The following HMCN2 variants were observed in gnomAD, a reference collection of about 807,000 sequenced individuals.
HMCN2 encodes hemicentin 2, also known as hemicentin-2.
A neutral mutation model predicts 377.5 loss-of-function variants in HMCN2; 325 were observed. The ratio of observed to expected loss-of-function variants is 0.86; its 90% CI spans 0.79 to 0.94. The LOEUF (loss-of-function observed/expected upper bound fraction) is 0.94. Among genes scored for constraint, HMCN2 ranks in the 40% least tolerant of loss-of-function variants. HMCN2 has a pLI of 0.00. For synonymous variants in HMCN2, 2,007 were observed against 2,046.8 expected, an observed-to-expected ratio of 0.98 and a Z score of 0.53; for missense variants, 4,543 against 4,725.3, an observed-to-expected ratio of 0.96 and a Z score of 1.13.
At chr9:130,286,133 C>T (rs1246593913) in intron 3 of HMCN2, 55 bp from the exon 4 acceptor site, 3 of 467,026 alleles carry the variant, frequency 6.4e-6, no homozygotes, top group African/African-American at 6.0e-5. Context: ...CTGCTGCTCA[C>T]CCCTGAAGCA....
chr9:130,346,938 A>T (rs1277040651), intron 25 of HMCN2, among the ~76,000 whole-genome samples: 7 of 152,040 alleles, frequency 4.6e-5, no homozygotes, highest in African/African-American at 1.7e-4. Flanking sequence ...TTGGTCCCTC[A>T]GGGACCCTAG....
In HMCN2 at chr9:130,290,526, C is replaced by T. The variant is rs140208770; in HGVS notation, c.612+4216C>T. Among the ~76,000 whole-genome samples the T allele has an allele frequency of 2.3e-3, 344 of 152,292 alleles. 2 individuals carry two copies. The highest frequency in any genetic ancestry group is 7.4e-3 in the African/African-American group (306 of 41,574). On this transcript the variant is annotated intron_variant, in intron 4 of 97. Transcript: ENST00000683500. ...TCCTGACCCCTGACAAGGCCTGGCCCGGGGGAAGGGGACGGTGGTAACGGA... is the reference window on the plus strand; with the variant it reads ...TCCTGACCCCTGACAAGGCCTGGCCTGGGGGAAGGGGACGGTGGTAACGGA...
chr9:130,306,044 A>AG (rs782421769), intron 11 of HMCN2, 85 bp from the exon 12 acceptor site: 5 of 442,078 alleles, frequency 1.1e-5, no homozygotes, highest in East Asian at 7.2e-5. Context: ...TGACTATGGG[A>AG]GGGGAAGAGC....
chr9:130,367,454 A>G (rs547343955), intron 43 of HMCN2, among the ~76,000 whole-genome samples: 1 of 152,262 alleles, frequency 6.6e-6, no homozygotes, highest in South Asian at 2.1e-4. Flanking sequence ...CTGCTTCTCT[A>G]GAAACAGAGG....
intron 34 of HMCN2, among the ~76,000 whole-genome samples, chr9:130,357,016 G>A (rs1840057601): frequency 6.6e-6 from 1 of 151,952 alleles, no homozygotes; most frequent in African/African-American, 2.4e-5. Context: ...ATGGAAGCAT[G>A]GGTGGATAGA....
rs1283977205 is a variant in HMCN2, at chr9:130,349,020, G to A, written c.4192G>A (p.Gly1398Ser). The part of the protein sequence containing the change: ...KVGGHRLLDE[G>S]QSLHFPRIQE... ...GGGCGGCCACCGCCTCCTGGACGAG[G>A]GCCAGTCCCTCCACTTCCCCAGGAT... The change falls in exon 28 of 98, where the codon GGC becomes AGC. Residue 1398 changes from glycine (G) to serine (S), a missense_variant. Around this residue, in one of 5 missense-constraint regions of HMCN2, gnomAD observed 1,032 missense variants for 1,285.1 expected, o/e 0.80. Transcript: ENST00000683500. The A allele has an allele frequency of 1.5e-6, 2 of 1,304,034 alleles. No individual in the cohort carries two copies. The highest frequency in any genetic ancestry group is 3.0e-5 in the African/African-American group (2 of 65,852). The allele number at this position is 1,304,034 out of a possible 1,614,324, so 80.8% of individuals were successfully genotyped here.
At position 130,347,920 on chromosome 9, in the gene HMCN2, C is replaced by T. The variant is rs922640799; in HGVS notation, c.4024+560C>T. On this transcript the variant is annotated intron_variant, in intron 26 of 97. Coordinates refer to ENST00000683500, the MANE Select transcript of HMCN2 (RefSeq NM_001291815.2). The surrounding 1 kb of genome is among the most constrained non-coding windows in gnomAD (Gnocchi z 5.1). ...AGTGCAGAGCCCCAGAGCCCACCTC[C>T]GGGTTAAAACTGTTACCCCTGGTCT... The T allele has an allele frequency of 4.7e-6, 4 of 842,502 alleles. No homozygotes were observed. The highest frequency in any genetic ancestry group is 6.2e-5 in the Admixed American group (1 of 16,092). The allele number at this position is 842,502 out of a possible 1,614,324, so 52.2% of individuals were successfully genotyped here.
chr9:130,388,185 T>G (rs1164833626), intron 61 of HMCN2, among the ~76,000 whole-genome samples: 1 of 152,122 alleles, frequency 6.6e-6, no homozygotes, highest in African/African-American at 2.4e-5. Context: ...TGTGGGTGAG[T>G]GAGCCTCCCA....
chr9:130,402,770 C>T lies in HMCN2; in HGVS notation c.11771-19C>T. 1.6e-6 allele frequency: 2 copies of T among 1,286,380 alleles called. No individual in the cohort carries two copies. Among genetic ancestry groups the T allele is most frequent in the South Asian group, 1.2e-5 (1 of 80,912 alleles). 79.7% of individuals were successfully genotyped at this position (1,286,380 alleles called of 1,614,324 possible). A position where few individuals can be genotyped will look rare whatever the true frequency, so the allele number is the denominator to read the frequency against. Reference sequence around the variant, plus strand: ...GGGGACCTCTGTCCTGATCCCCTCACCCTGATTCCCACCAACAGGCGCCCT... The same window carrying T: ...GGGGACCTCTGTCCTGATCCCCTCATCCTGATTCCCACCAACAGGCGCCCT... On this transcript the variant is annotated intron_variant, in intron 77 of 97. Coordinates refer to ENST00000683500, the MANE Select transcript of HMCN2 (RefSeq NM_001291815.2).
At chr9:130,305,412 A>T (rs1836795385) in intron 11 of HMCN2, among the ~76,000 whole-genome samples, 1 of 152,134 alleles carries the variant, frequency 6.6e-6, no homozygotes, top group Non-Finnish European at 1.5e-5. Flanking sequence ...CACTGACTAG[A>T]TGGGGGTGGA....
At position 130,410,644 on chromosome 9, in the gene HMCN2, T is replaced by C. The variant is rs1843359753; in HGVS notation, c.12953T>C (p.Val4318Ala). ...GTGGCGAAGAAAGTGGTGATCCTCG[T>C]CCTGCAGAGTGAGTCTCGGCCTCAG... ...MGVAKKVVIL[V>A]LQSAPVFQVE... Residue 4318 changes from valine to alanine, a missense_variant, in exon 85 of 98, where the codon GTC (valine) becomes GCC (alanine). Val to Ala is a moderately conservative substitution (Grantham distance 64). Transcript: ENST00000683500. 1 of 1,550,550 alleles carries C rather than the reference T, an allele frequency of 6.4e-7. No individual in the cohort carries two copies. The highest frequency in any genetic ancestry group is 8.7e-7 in the Non-Finnish European group (1 of 1,146,956).
chr9:130,380,635 A>AAACT (rs930851367), intron 54 of HMCN2, among the ~76,000 whole-genome samples: 1 of 151,992 alleles, frequency 6.6e-6, no homozygotes, highest in Non-Finnish European at 1.5e-5. Context: ...AAATATTTTA[A>AAACT]AACTAGCTGG....
intron 62 of HMCN2, among the ~76,000 whole-genome samples, chr9:130,390,269 A>G (rs1486477874): frequency 1.3e-5 from 2 of 150,580 alleles, no homozygotes; most frequent in East Asian, 3.9e-4. Flanking sequence ...CTGTCCCCCA[A>G]GTTCCCCGGC....
intron 22 of HMCN2, 138 bp downstream of exon 22, chr9:130,327,613 A>G (rs958394728): frequency 1.1e-4 from 16 of 152,220 alleles, no homozygotes; most frequent in Non-Finnish European, 2.2e-4. Flanking sequence ...TCTGCACACA[A>G]GGCTGTTGTC....
intron 18 of HMCN2, among the ~76,000 whole-genome samples, chr9:130,321,179 A>G (rs939702077): frequency 6.6e-6 from 1 of 152,224 alleles, no homozygotes; most frequent in East Asian, 1.9e-4. Context: ...GCTGTGAGCC[A>G]GGGAGCAGGG....
At chr9:130,402,261 A>G (rs1336110246) in intron 77 of HMCN2, among the ~76,000 whole-genome samples, 1 of 152,204 alleles carries the variant, frequency 6.6e-6, no homozygotes, top group Admixed American at 6.5e-5. Context: ...GGGCCCACGG[A>G]GCACAATTTA....
At chr9:130,309,514 C>CAAAAAAAAAAAAAAAAA (rs143190808) in intron 14 of HMCN2, among the ~76,000 whole-genome samples, 1 of 72,386 alleles carries the variant, frequency 1.4e-5, no homozygotes, top group Non-Finnish European at 2.6e-5. Flanking sequence ...GACTCTGTCT[C>CAAAAAAAAAAAAAAAAA]AAAAAAAAAA....
chr9:130,422,476 C>T lies in HMCN2; in HGVS notation c.13232-101C>T, dbSNP rs1564880376. 7 of 913,332 alleles carry T rather than the reference C, an allele frequency of 7.7e-6. No individual in the cohort carries two copies. Among genetic ancestry groups the T allele is most frequent in the Non-Finnish European group, 1.0e-5 (7 of 686,958 alleles). 56.6% of individuals were successfully genotyped at this position (913,332 alleles called of 1,614,324 possible). Reference sequence around the variant, plus strand: ...GACAAGTGGAGGTGAACTCTCCGAGCCTCCATTTACTCCTTCACGAAATGG... The same window carrying T: ...GACAAGTGGAGGTGAACTCTCCGAGTCTCCATTTACTCCTTCACGAAATGG... On this transcript the variant is annotated intron_variant, in intron 86 of 97. Coordinates refer to ENST00000683500, the MANE Select transcript of HMCN2 (RefSeq NM_001291815.2). This position sits in a 1 kb window ranked among gnomAD's most constrained non-coding sequence, Gnocchi z 4.2.
chr9:130,395,101 G>A lies in HMCN2; in HGVS notation c.10767G>A (p.Arg3589=), dbSNP rs774400478. 4.4e-5 allele frequency: 51 copies of A among 1,157,106 alleles called. 1 individual carries two copies. In the South Asian group the frequency reaches 6.5e-4, roughly 15 times the overall value. The allele number at this position is 1,157,106 out of a possible 1,614,324, so 71.7% of individuals were successfully genotyped here. The change falls in exon 70 of 98, where the codon AGG becomes AGA. Residue 3589 remains arginine (R), a synonymous_variant. Transcript: ENST00000683500. ...CAATTGAGAAGAGCTTCCGGGTCAGGGTTCAAGGTAGGTGGTGGGGGTGGG... is the reference window on the plus strand; with the variant it reads ...CAATTGAGAAGAGCTTCCGGGTCAGAGTTCAAGGTAGGTGGTGGGGGTGGG... ...AGAIEKSFRV[R]VQAPPNIVGP...
Sources: gnomAD v4.1 joint callset for allele counts (sites outside exome capture counted in the v4.1 genomes callset) on GRCh38, gnomAD v4.1.1 for gene constraint, gnomAD v4.1.1 regional missense constraint, Gnocchi (gnomAD v3.1) non-coding constraint, MANE v1.5 for transcripts, NCBI Gene and HGNC (gene_info 2026-07-23, HGNC 2026-07-21) for gene names.